BNC2: variants seen among roughly 807,000 people sequenced by gnomAD.
BNC2 encodes the protein zinc finger protein basonuclin-2.
Under a neutral mutation model 76.3 loss-of-function variants are expected in BNC2, and 20 were observed. The ratio of observed to expected loss-of-function variants is 0.26; its 90% CI spans 0.18 to 0.38. BNC2 has a LOEUF of 0.38. BNC2 is among the 10% of genes least tolerant of loss of function. BNC2 has a pLI of 1.00. For synonymous variants in BNC2, 582 were observed against 514.8 expected (o/e 1.13, Z -1.77); for missense variants, 1,382 against 1,399.8 (o/e 0.99, Z 0.20).
At chr9:16,687,441 C>T (rs1261850039) in intron 3 of BNC2, among the ~76,000 whole-genome samples, 1 of 152,106 alleles carries the variant, frequency 6.6e-6, no homozygotes, top group Non-Finnish European at 1.5e-5. Context: ...GGGCACTGTG[C>T]ATTTGTGTTG....
intron 5 of BNC2, among the ~76,000 whole-genome samples, chr9:16,495,499 C>T (rs1822369088): frequency 6.6e-6 from 1 of 152,128 alleles, no homozygotes; most frequent in African/African-American, 2.4e-5. Context: ...ACAGTGCTTG[C>T]GTTCTGGCTA....
rs528443617 is a variant in BNC2, at chr9:16,809,941, C to T, written c.3+60705G>A. On this transcript the variant is annotated intron_variant, in intron 1 of 6. Coordinates refer to ENST00000380672, the MANE Select transcript of BNC2 (RefSeq NM_017637.6). ...GATGCTTCATCTTTCCTAATCAATG[C>T]TTTGATGGCCATGGTCCATTGATGG... Among the ~76,000 whole-genome samples the T allele has an allele frequency of 3.3e-5, 5 of 152,140 alleles. No individual in the cohort carries two copies. The South Asian group carries it at 1.0e-3, about 32-fold the overall frequency.
chr9:16,609,057 C>T (rs373684009), intron 3 of BNC2, among the ~76,000 whole-genome samples: 28 of 152,206 alleles, frequency 1.8e-4, no homozygotes, highest in African/African-American at 5.1e-4. Context: ...GTGAAAGATG[C>T]GCAACATGGG....
intron 1 of BNC2, among the ~76,000 whole-genome samples, chr9:16,827,388 C>T (rs1479444062): frequency 6.6e-6 from 1 of 152,182 alleles, no homozygotes; most frequent in African/African-American, 2.4e-5. Context: ...CGACCAGCCT[C>T]AGTGGGACCC....
In BNC2 at chr9:16,587,641, T is replaced by C. The variant is rs113189690; in HGVS notation, c.331-4556A>G. Among the ~76,000 whole-genome samples the C allele has an allele frequency of 5.3e-3, 804 of 152,246 alleles. 5 individuals carry two copies. The highest frequency in any genetic ancestry group is 0.018 in the African/African-American group (758 of 41,530). ...TGATTGCTATTTGCTTGACTGAGGTTATTTTCACCCTCCTGTCAGATTCTG... is the reference window on the plus strand; with the variant it reads ...TGATTGCTATTTGCTTGACTGAGGTCATTTTCACCCTCCTGTCAGATTCTG... On this transcript the variant is annotated intron_variant, in intron 3 of 6. Transcript: ENST00000380672.
chr9:16,608,265 A>G lies in BNC2; in HGVS notation c.331-25180T>C, dbSNP rs572334222. Among the ~76,000 whole-genome samples the G allele has an allele frequency of 3.5e-3, 538 of 152,180 alleles. 3 individuals are homozygous for G. The highest frequency in any genetic ancestry group is 0.012 in the African/African-American group (502 of 41,506). On this transcript the variant is annotated intron_variant, in intron 3 of 6. Transcript: ENST00000380672. The stretch of plus-strand genomic sequence containing the variant: ...GAATGGTACTACTTTTCACACAGCA[A>G]TTTTGTACACATTAGAAATATTTTG...
At chr9:16,457,058 T>A (rs971179980) in intron 5 of BNC2, among the ~76,000 whole-genome samples, 12 of 152,138 alleles carry the variant, frequency 7.9e-5, no homozygotes. Flanking sequence ...CTCTCCTTTA[T>A]CCCTCAGTTC....
chr9:16,806,715 T>C (rs895074665), intron 1 of BNC2, among the ~76,000 whole-genome samples: 1 of 152,216 alleles, frequency 6.6e-6, no homozygotes, highest in Non-Finnish European at 1.5e-5. Flanking sequence ...ATCTTACAGT[T>C]CTCAACAAGA....
intron 5 of BNC2, among the ~76,000 whole-genome samples, chr9:16,502,937 G>A (rs542151453): frequency 2.0e-4 from 30 of 152,150 alleles, no homozygotes; most frequent in Admixed American, 1.2e-3. Flanking sequence ...TACAACAAGC[G>A]TATTCTAATC....
chr9:16,566,758 A>G (rs906485083), intron 4 of BNC2, among the ~76,000 whole-genome samples: 2 of 152,188 alleles, frequency 1.3e-5, no homozygotes. Flanking sequence ...TAGACCCTGG[A>G]AAGTCGTCAG....
chr9:16,534,834 T>C (rs975243628), intron 5 of BNC2, among the ~76,000 whole-genome samples: 8 of 152,144 alleles, frequency 5.3e-5, no homozygotes. Flanking sequence ...AATCAAAACT[T>C]TTATACTTTG....
At position 16,838,577 on chromosome 9, in the gene BNC2, G is replaced by A. The variant is rs535638568; in HGVS notation, c.3+32069C>T. ...ACTCCGTGTTAAAAAAAAGAAATGC[G>A]AGTTGTTACCTCAAATGTTTTAGTT... is the stretch of plus-strand genomic sequence containing the variant. On this transcript the variant is annotated intron_variant, in intron 1 of 6. Coordinates refer to ENST00000380672, the MANE Select transcript of BNC2 (RefSeq NM_017637.6). Among the ~76,000 whole-genome samples the A allele has an allele frequency of 4.1e-4, 63 of 152,172 alleles. 1 individual carries two copies. In the East Asian group the frequency reaches 7.4e-3, roughly 18 times the overall value.
intron 3 of BNC2, among the ~76,000 whole-genome samples, chr9:16,670,284 C>A (rs1822436445): frequency 6.6e-6 from 1 of 152,040 alleles, no homozygotes; most frequent in African/African-American, 2.4e-5. Flanking sequence ...CTGCTAAATA[C>A]CTCTATTTAG....
intron 4 of BNC2, among the ~76,000 whole-genome samples, chr9:16,571,447 A>G (rs975850144): frequency 7.2e-5 from 11 of 152,164 alleles, no homozygotes; most frequent in Non-Finnish European, 1.3e-4. Flanking sequence ...TCTGTTTCCA[A>G]GTAGAAAATG....
rs984361080 is a variant in BNC2 at position 16,831,015 on chromosome 9, C to A, written c.3+39631G>T. Among the ~76,000 whole-genome samples, 3 of 152,204 alleles carry A rather than the reference C, an allele frequency of 2.0e-5. No homozygotes were observed. The East Asian group carries it at 5.8e-4, about 29-fold the overall frequency. ...ATGGTCGTGGAAAATGTTTCATCCT[C>A]TCAACGAAAACGTCATTATTTCCTC... On this transcript the variant is annotated intron_variant, in intron 1 of 6. Coordinates refer to ENST00000380672, the MANE Select transcript of BNC2 (RefSeq NM_017637.6).
At chr9:16,567,887 C>T (rs1819212638) in intron 4 of BNC2, among the ~76,000 whole-genome samples, 3 of 152,116 alleles carry the variant, frequency 2.0e-5, no homozygotes, top group Non-Finnish European at 4.4e-5. Context: ...TTTTTCAAAA[C>T]CACTTACTTT....
intron 5 of BNC2, among the ~76,000 whole-genome samples, chr9:16,526,031 G>A (rs1406362107): frequency 2.6e-5 from 4 of 151,858 alleles, no homozygotes; most frequent in Non-Finnish European, 5.9e-5. Flanking sequence ...ACTAGATACT[G>A]TATATAAGTT....
At chr9:16,851,394 T>TA (rs1202341587) in intron 1 of BNC2, among the ~76,000 whole-genome samples, 1 of 151,826 alleles carries the variant, frequency 6.6e-6, no homozygotes, top group Non-Finnish European at 1.5e-5. Flanking sequence ...TAGTCCCAGC[T>TA]ACTCAGGAGG....
At chr9:16,705,679 GT>G (rs34325917) in intron 3 of BNC2, among the ~76,000 whole-genome samples, 19,559 of 150,302 alleles carry the variant, frequency 0.13, 1,816 homozygotes, top group Non-Finnish European at 0.2. Flanking sequence ...TCCTTTGTTT[GT>G]TTTGGACTTT....
Sources: allele counts gnomAD v4.1 joint callset (sites outside exome capture counted in the v4.1 genomes callset), GRCh38; gene constraint gnomAD v4.1.1; transcripts MANE v1.5; gene names NCBI Gene and HGNC (gene_info 2026-07-23, HGNC 2026-07-21).